Variants in PNPLA7 observed in about 807,000 individuals in gnomAD.
The protein encoded by PNPLA7 is patatin-like phospholipase domain-containing protein 7.
A neutral mutation model predicts 161.7 loss-of-function variants in PNPLA7; 153 were observed. That is an observed-to-expected ratio of 0.95 (90% CI 0.83 to 1.08). The LOEUF is 1.08. Among genes scored for constraint, PNPLA7 ranks in the 50% least tolerant of loss-of-function variants. PNPLA7 has a pLI of 0.00. For synonymous variants in PNPLA7, 809 were observed against 782.1 expected, an observed-to-expected ratio of 1.03 and a Z score of -0.57; for missense variants, 1,739 against 1,856.6, an observed-to-expected ratio of 0.94 and a Z score of 1.16.
intron 25 of PNPLA7, among the ~76,000 whole-genome samples, chr9:137,475,576 A>G (rs1015771343): frequency 2.0e-5 from 3 of 151,946 alleles, no homozygotes; most frequent in Non-Finnish European, 4.4e-5. Context: ...GGGTTTCACC[A>G]TGTTAGCCAG....
intron 29 of PNPLA7, 88 bp from the exon 30 acceptor site, chr9:137,462,921 T>C: frequency 6.5e-7 from 1 of 1,530,572 alleles, no homozygotes; most frequent in Non-Finnish European, 8.9e-7. Context: ...AGCCCTGACG[T>C]GGGGGTTGTG....
In PNPLA7 at chr9:137,505,951, G is replaced by A. The variant is rs1422468088; in HGVS notation, c.1326+32C>T. 3 of 1,583,168 alleles carry A rather than the reference G, an allele frequency of 1.9e-6. No individual in the cohort carries two copies. In the Admixed American group the frequency reaches 5.4e-5, roughly 28 times the overall value. On this transcript the variant is annotated intron_variant, in intron 13 of 34. Transcript: ENST00000406427. ...AAGCCACGGAGAGGGTGGGGCCCCA[G>A]GCGGAGGGTGAGAATGACAGCCAGG...
chr9:137,500,627 G>A lies in PNPLA7; in HGVS notation c.1757+64C>T, dbSNP rs553835760. ...AGCACCAGGAAGAGGCCGGCCACGC[G>A]GGGAGGGGTCTCAGGGCAGGGGGGG... On this transcript the variant is annotated intron_variant, in intron 16 of 34. Coordinates refer to ENST00000406427, the MANE Select transcript of PNPLA7 (RefSeq NM_001098537.3). The surrounding 1 kb of genome is among the most constrained non-coding windows in gnomAD (Gnocchi z 5.5). The A allele has an allele frequency of 2.9e-3, 4,437 of 1,504,086 alleles. 17 individuals are homozygous for A. Among genetic ancestry groups the A allele is most frequent in the Non-Finnish European group, 3.5e-3 (3,795 of 1,094,352 alleles). 93.2% of individuals were successfully genotyped at this position (1,504,086 alleles called of 1,614,324 possible).
chr9:137,539,604 G>A (rs973761935), intron 8 of PNPLA7, among the ~76,000 whole-genome samples: 17 of 152,050 alleles, frequency 1.1e-4, no homozygotes, highest in African/African-American at 4.1e-4. Context: ...AGGAGGCGGA[G>A]GTTGCAATGA....
intron 10 of PNPLA7, 96 bp downstream of exon 10, chr9:137,521,540 C>T: frequency 1.7e-6 from 2 of 1,201,938 alleles, no homozygotes; most frequent in Non-Finnish European, 2.4e-6. Flanking sequence ...TGGCACTGCC[C>T]CACCAGGCAC....
intron 12 of PNPLA7, among the ~76,000 whole-genome samples, chr9:137,513,519 T>C (rs1457721823): frequency 6.6e-6 from 1 of 151,840 alleles, no homozygotes; most frequent in East Asian, 1.9e-4. Flanking sequence ...TAAAATAGTC[T>C]TTGGAAAATT....
At position 137,460,312 on chromosome 9, in the gene PNPLA7, G is replaced by A; in HGVS notation, c.*81C>T. On this transcript the variant is annotated 3_prime_UTR_variant, in exon 35 of 35. Coordinates refer to ENST00000406427, the MANE Select transcript of PNPLA7 (RefSeq NM_001098537.3). ...GGCTTCCAGCAGGGCAGGTACAGAG[G>A]CCCCTAGGACTTGGCAGGAGCCTCA... The A allele has an allele frequency of 7.1e-7, 1 of 1,399,416 alleles. No homozygotes were observed. The highest frequency in any genetic ancestry group is 9.8e-7 in the Non-Finnish European group (1 of 1,019,460). 86.7% of individuals were successfully genotyped at this position (1,399,416 alleles called of 1,614,324 possible).
rs1318256941 is a variant in PNPLA7, at chr9:137,520,918, G to A, written c.957+718C>T. Among the ~76,000 whole-genome samples, 2 of 152,228 alleles carry A rather than the reference G, an allele frequency of 1.3e-5. No homozygotes were observed. The highest frequency in any genetic ancestry group is 2.9e-5 in the Non-Finnish European group (2 of 68,032). On this transcript the variant is annotated intron_variant, in intron 10 of 34. Coordinates refer to ENST00000406427, the MANE Select transcript of PNPLA7 (RefSeq NM_001098537.3). This position sits in a 1 kb window ranked among gnomAD's most constrained non-coding sequence, Gnocchi z 5.2. ...GCTGGCAACAGGGACCCCATGGGAC[G>A]GGCATGGGGAGGGGCAGCCTCTGCT...
chr9:137,484,253 C>T (rs918743052), intron 21 of PNPLA7, among the ~76,000 whole-genome samples: 1 of 152,304 alleles, frequency 6.6e-6, no homozygotes, highest in Non-Finnish European at 1.5e-5. Flanking sequence ...GCCAAGACAA[C>T]ACTGAAATTT....
In PNPLA7 at chr9:137,500,802, G is replaced by A; in HGVS notation, c.1646C>T (p.Pro549Leu). 1 of 1,609,432 alleles carries A rather than the reference G, an allele frequency of 6.2e-7. No homozygotes were observed. Among genetic ancestry groups the A allele is most frequent in the Non-Finnish European group, 8.5e-7 (1 of 1,178,894 alleles). ...QEDTCLFLTR[P>L]GEMVGQLAVL... ...GGCCAGCTGGCCCACCATCTCCCCG[G>A]GGCGCGTGAGGAACAAGCAGGTGTC... Residue 549 changes from proline to leucine, a missense_variant, in exon 16 of 35, where the codon CCC (proline) becomes CTC (leucine). Physicochemically the swap from Pro to Leu is moderately conservative, Grantham distance 98. Coordinates refer to ENST00000406427, the MANE Select transcript of PNPLA7 (RefSeq NM_001098537.3). This position sits in a 1 kb window ranked among gnomAD's most constrained non-coding sequence, Gnocchi z 5.5.
Position 137,462,060 on chromosome 9 carries a change from C to A in PNPLA7, c.3646-19G>T, listed in dbSNP as rs1364973553. 3 of 1,561,292 alleles carry A rather than the reference C, an allele frequency of 1.9e-6. No individual in the cohort carries two copies. The Admixed American group carries it at 5.6e-5, about 29-fold the overall frequency. On this transcript the variant is annotated intron_variant, in intron 31 of 34. Transcript: ENST00000406427. ...CCACTTCCTGTGCACACCCCCAGGG[C>A]CCCGTCAGGAGGTGTGGGGAGCCCC...
Position 137,507,700 on chromosome 9 carries a change from C to T in PNPLA7, c.1226-1617G>A, listed in dbSNP as rs530814235. Among the ~76,000 whole-genome samples, 369 of 149,104 alleles carry T rather than the reference C, an allele frequency of 2.5e-3. 6 individuals are homozygous for T. Among genetic ancestry groups the T allele is most frequent in the Non-Finnish European group, 5.7e-4 (39 of 67,932 alleles). On this transcript the variant is annotated intron_variant, in intron 12 of 34. Coordinates refer to ENST00000406427, the MANE Select transcript of PNPLA7 (RefSeq NM_001098537.3). ...AAATAAATAAAATAAAATACGGGGG[C>T]CAGGCATGGTGGTATGCACCTGACA...
chr9:137,491,665 A>T, intron 20 of PNPLA7: 1 of 985,452 alleles, frequency 1.0e-6, no homozygotes, highest in Non-Finnish European at 1.2e-6. Flanking sequence ...TCAGATGAAG[A>T]TGGGGTCACC....
chr9:137,544,542 T>C (rs1256898758), intron 4 of PNPLA7, among the ~76,000 whole-genome samples: 1 of 152,176 alleles, frequency 6.6e-6, no homozygotes, highest in Admixed American at 6.5e-5. Flanking sequence ...CAGCCCTAAC[T>C]CATCTGCCCT....
At position 137,500,273 on chromosome 9, in the gene PNPLA7, A is replaced by G. The variant is rs553032152; in HGVS notation, c.1757+418T>C. 6.6e-6 allele frequency among the ~76,000 whole-genome samples: 1 copy of G among 152,330 alleles called. No individual in the cohort carries two copies. Among genetic ancestry groups the G allele is most frequent in the East Asian group, 1.9e-4 (1 of 5,172 alleles). On this transcript the variant is annotated intron_variant, in intron 16 of 34. Coordinates refer to ENST00000406427, the MANE Select transcript of PNPLA7 (RefSeq NM_001098537.3). The surrounding 1 kb of genome is among the most constrained non-coding windows in gnomAD (Gnocchi z 5.5). ...CACTGCCTTGCCCTTCCACCTCCGC[A>G]TCACTGGCTCCCGACACGTCAGCCC... is the stretch of plus-strand genomic sequence containing the variant.
At chr9:137,474,046 C>T (rs1233263692) in intron 25 of PNPLA7, among the ~76,000 whole-genome samples, 1 of 152,132 alleles carries the variant, frequency 6.6e-6, no homozygotes, top group Non-Finnish European at 1.5e-5. Flanking sequence ...CAAGACGAGC[C>T]TGGCCCACAT....
chr9:137,487,968 T>C (rs1178748356), intron 20 of PNPLA7, among the ~76,000 whole-genome samples: 1 of 152,268 alleles, frequency 6.6e-6, no homozygotes, highest in East Asian at 1.9e-4. Context: ...CAGGCCCAGA[T>C]GATGTGTCTC....
intron 4 of PNPLA7, among the ~76,000 whole-genome samples, chr9:137,545,257 G>A (rs1042361595): frequency 3.3e-5 from 5 of 152,182 alleles, no homozygotes; most frequent in African/African-American, 1.2e-4. Flanking sequence ...GACATTCAAA[G>A]TGAGTCACGC....
chr9:137,520,801 C>A lies in PNPLA7; in HGVS notation c.958-758G>T, dbSNP rs1239184718. On this transcript the variant is annotated intron_variant, in intron 10 of 34. Coordinates refer to ENST00000406427, the MANE Select transcript of PNPLA7 (RefSeq NM_001098537.3). This position sits in a 1 kb window ranked among gnomAD's most constrained non-coding sequence, Gnocchi z 5.2. ...TGACAGCCTTGTGCCCTTGACAATG[C>A]GCTGTACCCTCCAAACGCGTCACAG... 6.6e-6 allele frequency among the ~76,000 whole-genome samples: 1 copy of A among 152,226 alleles called. No individual in the cohort carries two copies. The highest frequency in any genetic ancestry group is 6.5e-5 in the Admixed American group (1 of 15,276).
Sources: gnomAD v4.1 joint callset for allele counts (sites outside exome capture counted in the v4.1 genomes callset) on GRCh38, gnomAD v4.1.1 for gene constraint, Gnocchi (gnomAD v3.1) non-coding constraint, MANE v1.5 for transcripts, NCBI Gene and HGNC (gene_info 2026-07-23, HGNC 2026-07-21) for gene names.